The following CACNA1A variants were observed in gnomAD, a reference collection of about 807,000 sequenced individuals.
The protein encoded by CACNA1A is calcium voltage-gated channel subunit alpha1 A.
Under a neutral mutation model 262.4 loss-of-function variants are expected in CACNA1A, and 57 were observed. The ratio of observed to expected loss-of-function variants is 0.22; its 90% CI spans 0.18 to 0.27. The LOEUF (loss-of-function observed/expected upper bound fraction) is 0.27. Ranked by LOEUF, CACNA1A falls within the 10% of genes least tolerant of loss-of-function variation. The pLI is 1.00. For synonymous variants in CACNA1A, 1,431 were observed against 1,419.3 expected (o/e 1.01, Z -0.18); for missense variants, 2,526 against 3,562.8 (o/e 0.71, Z 7.41).
At chr19:13,319,662 T>C (rs2058206485) in intron 10 of CACNA1A, among the ~76,000 whole-genome samples, 1 of 152,224 alleles carries the variant, frequency 6.6e-6, no homozygotes. Flanking sequence ...CTGAAATTAT[T>C]GGTCCACATT....
Position 13,243,561 on chromosome 19 carries a change from C to CTTTCT in CACNA1A, c.4950+1620_4950+1621insAGAAA, listed in dbSNP as rs1555740412. On this transcript the variant is annotated intron_variant, in intron 31 of 46. Transcript: ENST00000360228. ...CATTGAAGATCAGTTTTCTTTCTTT[C>CTTTCT]TTTTTTTTTTTGAGATGGAGTTTTC... 3.9e-3 allele frequency: 580 copies of CTTTCT among 148,772 alleles called. 8 individuals are homozygous for CTTTCT. Among genetic ancestry groups the CTTTCT allele is most frequent in the African/African-American group, 0.013 (543 of 40,676 alleles). 9.2% of individuals were successfully genotyped at this position (148,772 alleles called of 1,614,324 possible).
Position 13,207,820 on chromosome 19 carries a change from A to G in CACNA1A, c.7014T>C (p.Pro2338=). 1 of 1,460,192 alleles carries G rather than the reference A, an allele frequency of 6.8e-7. No homozygotes were observed. Among genetic ancestry groups the G allele is most frequent in the Non-Finnish European group, 9.0e-7 (1 of 1,113,356 alleles). 90.5% of individuals were successfully genotyped at this position (1,460,192 alleles called of 1,614,324 possible). A position where few individuals can be genotyped will look rare whatever the true frequency, so the allele number is the denominator to read the frequency against. The part of the protein sequence containing the change: ...ARPGRAATSG[P]RRYPGPTAEP... The stretch of plus-strand genomic sequence containing the variant: ...CGGCCGTGGGGCCTGGGTACCTCCG[A>G]GGGCCGCTGGTGGCCGCCCGGCCCG... The change falls in exon 47 of 47, where the codon CCT becomes CCC. Residue 2338 remains proline, a synonymous_variant. Transcript: ENST00000360228. The surrounding 1 kb of genome is among the most constrained non-coding windows in gnomAD (Gnocchi z 5.7).
intron 6 of CACNA1A, among the ~76,000 whole-genome samples, chr19:13,345,895 C>CTTTTTTT (rs55982966): frequency 3.0e-5 from 3 of 100,542 alleles, no homozygotes; most frequent in Non-Finnish European, 3.9e-5. Flanking sequence ...TTCACGAAGT[C>CTTTTTTT]TTTTTTTTTT....
chr19:13,490,701 GAAAGAAA>G (rs1980689548), intron 1 of CACNA1A, among the ~76,000 whole-genome samples: 3 of 14,974 alleles, frequency 2.0e-4, no homozygotes, highest in South Asian at 2.5e-3. Context: ...AGGAAAGAAA[GAAAGAAA>G]GAAAGAAAGA....
chr19:13,245,031 G>A, intron 31 of CACNA1A, 151 bp downstream of exon 31: 1 of 659,102 alleles, frequency 1.5e-6, no homozygotes, highest in African/African-American at 1.8e-5. Flanking sequence ...TGTCCCCGGG[G>A]CCCCAGTTCT....
intron 30 of CACNA1A, among the ~76,000 whole-genome samples, chr19:13,251,868 G>A (rs1234676749): frequency 6.6e-6 from 1 of 151,572 alleles, no homozygotes; most frequent in African/African-American, 2.4e-5. Context: ...GGGTTCAAGC[G>A]ATTCTCCTGC....
chr19:13,412,172 C>T (rs1372084970), intron 3 of CACNA1A, among the ~76,000 whole-genome samples: 2 of 151,994 alleles, frequency 1.3e-5, no homozygotes, highest in East Asian at 1.9e-4. Context: ...AGACAACTCC[C>T]AAATGAGATC....
chr19:13,385,982 C>T (rs998646316), intron 3 of CACNA1A, among the ~76,000 whole-genome samples: 1 of 151,806 alleles, frequency 6.6e-6, no homozygotes. Flanking sequence ...CATAAAGAGA[C>T]CCCATCTCTA....
chr19:13,481,055 C>T (rs1266801551), intron 1 of CACNA1A, among the ~76,000 whole-genome samples: 1 of 152,136 alleles, frequency 6.6e-6, no homozygotes, highest in African/African-American at 2.4e-5. Flanking sequence ...TCGGTTTTCT[C>T]TTTTTGTTAC....
chr19:13,407,978 ACTCT>A (rs2060043345), intron 3 of CACNA1A, among the ~76,000 whole-genome samples: 1 of 149,222 alleles, frequency 6.7e-6, no homozygotes, highest in Non-Finnish European at 1.5e-5. Context: ...TCCCCCCCTC[ACTCT>A]CTCTCTCCTG....
chr19:13,454,338 C>T (rs2060967016), intron 2 of CACNA1A, among the ~76,000 whole-genome samples: 1 of 151,644 alleles, frequency 6.6e-6, no homozygotes, highest in Non-Finnish European at 1.5e-5. Context: ...ATCTCTTCAT[C>T]TGTATCCTTT....
intron 3 of CACNA1A, among the ~76,000 whole-genome samples, chr19:13,378,567 C>A (rs1362353182): frequency 1.3e-5 from 2 of 152,184 alleles, no homozygotes; most frequent in African/African-American, 4.8e-5. Context: ...CCCATCAACA[C>A]TGAGCCAGTG....
At chr19:13,345,184 G>A (rs1295649340) in intron 6 of CACNA1A, among the ~76,000 whole-genome samples, 4 of 152,128 alleles carry the variant, frequency 2.6e-5, no homozygotes, top group Non-Finnish European at 5.9e-5. Flanking sequence ...GTCTTTTTGG[G>A]CTGATGAAAT....
intron 36 of CACNA1A, chr19:13,228,843 G>A: frequency 9.2e-7 from 1 of 1,082,696 alleles, no homozygotes; most frequent in Non-Finnish European, 1.4e-6. Flanking sequence ...GTTCACACGG[G>A]CTCCCTGGGC....
rs773952882 is a variant in CACNA1A at position 13,257,313 on chromosome 19, C to T, written c.4590+37G>A. ...TGTGTTTTAAAGTTTGTGTGTGTCC[C>T]CAGTTTTTAAAGGACAGATGGAATT... On this transcript the variant is annotated intron_variant, in intron 28 of 46. Transcript: ENST00000360228. 2.6e-6 allele frequency: 4 copies of T among 1,555,456 alleles called. No individual in the cohort carries two copies. The East Asian group carries it at 9.0e-5, about 35-fold the overall frequency.
intron 11 of CACNA1A, chr19:13,316,438 C>A (rs1441127940): frequency 6.6e-6 from 1 of 151,504 alleles, no homozygotes; most frequent in Non-Finnish European, 1.5e-5. Context: ...GGGCCTTGTA[C>A]CTTGAGGGAG....
At chr19:13,280,322 T>C (rs886719674) in intron 22 of CACNA1A, among the ~76,000 whole-genome samples, 4 of 151,478 alleles carry the variant, frequency 2.6e-5, no homozygotes, top group East Asian at 1.9e-4. Flanking sequence ...ACCACAGGTG[T>C]GCACCACCAC....
At chr19:13,317,607 C>T (rs2058153594) in intron 10 of CACNA1A, among the ~76,000 whole-genome samples, 1 of 152,232 alleles carries the variant, frequency 6.6e-6, no homozygotes, top group South Asian at 2.1e-4. Context: ...CTCCCAGCCA[C>T]ATCTGATGCC....
intron 1 of CACNA1A, among the ~76,000 whole-genome samples, chr19:13,459,565 C>T (rs2061077779): frequency 6.6e-6 from 1 of 152,206 alleles, no homozygotes; most frequent in Non-Finnish European, 1.5e-5. Flanking sequence ...CAAAGCTGGG[C>T]TGTGTTGCAC....
Sources: allele counts gnomAD v4.1 joint callset (sites outside exome capture counted in the v4.1 genomes callset), GRCh38; gene constraint gnomAD v4.1.1; non-coding constraint Gnocchi (gnomAD v3.1); transcripts MANE v1.5; gene names NCBI Gene and HGNC (gene_info 2026-07-23, HGNC 2026-07-21).